Variants in GPC5 observed in about 807,000 individuals in gnomAD.
GPC5 encodes glypican 5.
In GPC5, 47 loss-of-function variants were observed where a neutral mutation model predicts 53.9. The observed-to-expected ratio is 0.87, with a 90% confidence interval of 0.69 to 1.11. The LOEUF (loss-of-function observed/expected upper bound fraction) is 1.11, where lower values mean the gene tolerates loss of function less well. Ranked by LOEUF, GPC5 falls within the 50% of genes most tolerant of loss-of-function variation. The probability of loss-of-function intolerance (pLI) is 0.00; values close to 1 mark genes in which losing one functional copy is unlikely to be tolerated. For synonymous variants in GPC5, 286 were observed against 263.3 expected (o/e 1.09, Z -0.84); for missense variants, 748 against 713.1 (o/e 1.05, Z -0.56).
Position 91,900,930 on chromosome 13 carries a change from G to A in GPC5, c.1281-7007G>A, listed in dbSNP as rs139979365. Among the ~76,000 whole-genome samples the A allele has an allele frequency of 9.2e-4, 140 of 152,166 alleles. 1 individual carries two copies. The highest frequency in any genetic ancestry group is 3.4e-3 in the Middle Eastern group (1 of 294). ...CTGCCACCTGACTAAACTGGCATGC[G>A]TAGATTCACGCCTTGCCAAATCAGG... On this transcript the variant is annotated intron_variant, in intron 5 of 7. Coordinates refer to ENST00000377067, the MANE Select transcript of GPC5 (RefSeq NM_004466.6).
At chr13:91,909,422 A>G (rs910016770) in intron 6 of GPC5, among the ~76,000 whole-genome samples, 86 of 152,296 alleles carry the variant, frequency 5.6e-4, no homozygotes, top group African/African-American at 1.9e-3. Context: ...GTGAAATCTT[A>G]GTGGTTTCTT....
At chr13:91,722,065 G>T (rs1201214211) in intron 3 of GPC5, among the ~76,000 whole-genome samples, 1 of 152,100 alleles carries the variant, frequency 6.6e-6, no homozygotes, top group Non-Finnish European at 1.5e-5. Context: ...ATTGTCATCT[G>T]CAGCTAAACA....
At chr13:92,048,058 C>T (rs1268176670) in intron 6 of GPC5, among the ~76,000 whole-genome samples, 1 of 151,706 alleles carries the variant, frequency 6.6e-6, no homozygotes. Flanking sequence ...ATTCTAGAAA[C>T]ACAGTTGTAT....
intron 2 of GPC5, among the ~76,000 whole-genome samples, chr13:91,642,713 C>CTT (rs71113755): frequency 0.22 from 31,007 of 143,206 alleles, 3,681 homozygotes; most frequent in African/African-American, 0.32. Context: ...TAAGGAAGAG[C>CTT]TTTTTTTTTT....
intron 6 of GPC5, among the ~76,000 whole-genome samples, chr13:92,122,334 A>G (rs1292909964): frequency 6.6e-6 from 1 of 150,704 alleles, no homozygotes; most frequent in African/African-American, 2.5e-5. Context: ...GCAGCCATAG[A>G]CTTCTTGGCC....
intron 7 of GPC5, among the ~76,000 whole-genome samples, chr13:92,318,861 G>T (rs912561952): frequency 1.3e-5 from 2 of 152,078 alleles, no homozygotes; most frequent in Non-Finnish European, 2.9e-5. Context: ...GTGGATTTTT[G>T]GGGGGGCTTT....
chr13:91,438,781 G>T lies in GPC5; in HGVS notation c.164-9980G>T, dbSNP rs114375303. On this transcript the variant is annotated intron_variant, in intron 1 of 7. Transcript: ENST00000377067. Reference sequence around the variant, plus strand: ...AGGTGGAATCTACAGAGGCAGGCAGGGCTGCTTGAGCTGCAGTGGGCTCCA... The same window carrying T: ...AGGTGGAATCTACAGAGGCAGGCAGTGCTGCTTGAGCTGCAGTGGGCTCCA... Among the ~76,000 whole-genome samples, 1,130 of 152,318 alleles carry T rather than the reference G, an allele frequency of 7.4e-3. 20 individuals carry two copies. The South Asian group carries it at 0.079, about 11-fold the overall frequency.
At chr13:91,497,327 T>C (rs760186694) in intron 2 of GPC5, among the ~76,000 whole-genome samples, 26 of 152,180 alleles carry the variant, frequency 1.7e-4, no homozygotes, top group Admixed American at 3.9e-4. Context: ...TTTAAACCAG[T>C]GAATTTTCTA....
At position 91,631,924 on chromosome 13, in the gene GPC5, G is replaced by C. The variant is rs2034167517; in HGVS notation, c.326-61263G>C. 2.6e-5 allele frequency among the ~76,000 whole-genome samples: 4 copies of C among 152,246 alleles called. No individual in the cohort carries two copies. In the South Asian group the frequency reaches 8.3e-4, roughly 32 times the overall value. On this transcript the variant is annotated intron_variant, in intron 2 of 7. Transcript: ENST00000377067. ...AAGGGAGTTGAGATGGTGAAGAAAG[G>C]CAAAGGAAGTCCAACCAAGGTCTTA...
chr13:91,956,632 C>T (rs2040076299), intron 6 of GPC5, among the ~76,000 whole-genome samples: 2 of 152,154 alleles, frequency 1.3e-5, no homozygotes, highest in African/African-American at 4.8e-5. Flanking sequence ...TACCTGGCAT[C>T]CCTATCTCCA....
Position 91,970,029 on chromosome 13 carries a change from A to G in GPC5, c.1401+61972A>G, listed in dbSNP as rs915877371. ...GAGGAATCAACCTGAGGGTTCATCAAGGAATAAATGGTAAAGAAAATGTGC... is the reference window on the plus strand; with the variant it reads ...GAGGAATCAACCTGAGGGTTCATCAGGGAATAAATGGTAAAGAAAATGTGC... On this transcript the variant is annotated intron_variant, in intron 6 of 7. Coordinates refer to ENST00000377067, the MANE Select transcript of GPC5 (RefSeq NM_004466.6). 3.3e-5 allele frequency among the ~76,000 whole-genome samples: 5 copies of G among 152,298 alleles called. No homozygotes were observed. The East Asian group carries it at 5.8e-4, about 18-fold the overall frequency.
At chr13:92,114,950 G>A (rs1462108972) in intron 6 of GPC5, among the ~76,000 whole-genome samples, 4 of 152,082 alleles carry the variant, frequency 2.6e-5, no homozygotes, top group African/African-American at 9.7e-5. Context: ...AGGTCACATG[G>A]CTGTTTCAAA....
intron 2 of GPC5, among the ~76,000 whole-genome samples, chr13:91,620,839 C>A (rs899134426): frequency 6.6e-6 from 1 of 152,088 alleles, no homozygotes; most frequent in Non-Finnish European, 1.5e-5. Context: ...CTCTGCAATA[C>A]CTTCATTTGC....
intron 2 of GPC5, among the ~76,000 whole-genome samples, chr13:91,609,818 T>C (rs574556998): frequency 1.1e-4 from 17 of 152,276 alleles, no homozygotes; most frequent in African/African-American, 4.1e-4. Flanking sequence ...AGGATGGATA[T>C]GGAAAAAACC....
intron 7 of GPC5, among the ~76,000 whole-genome samples, chr13:92,372,445 A>T (rs1339685915): frequency 2.0e-5 from 3 of 152,146 alleles, no homozygotes. Flanking sequence ...ATTTTAACCA[A>T]GCTTTTTATA....
At chr13:92,146,918 G>A (rs1204606478) in intron 7 of GPC5, among the ~76,000 whole-genome samples, 1 of 151,904 alleles carries the variant, frequency 6.6e-6, no homozygotes, top group African/African-American at 2.4e-5. Flanking sequence ...TGATTGATGG[G>A]CATTTGGGCT....
intron 2 of GPC5, among the ~76,000 whole-genome samples, chr13:91,594,585 C>T (rs575350385): frequency 9.2e-5 from 14 of 152,050 alleles, no homozygotes; most frequent in African/African-American, 3.4e-4. Context: ...CCAAGTAGTC[C>T]AGATACAGAA....
intron 7 of GPC5, among the ~76,000 whole-genome samples, chr13:92,729,814 C>T (rs1306484035): frequency 7.3e-6 from 1 of 136,668 alleles, no homozygotes; most frequent in African/African-American, 2.6e-5. Context: ...CAATTTATTC[C>T]AGTGTGTGGC....
intron 2 of GPC5, among the ~76,000 whole-genome samples, chr13:91,566,314 C>T (rs1392467188): frequency 6.6e-6 from 1 of 151,986 alleles, no homozygotes; most frequent in Non-Finnish European, 1.5e-5. Flanking sequence ...GTCTGTAATC[C>T]CAGCACTTTG....
Sources: allele counts gnomAD v4.1 joint callset (sites outside exome capture counted in the v4.1 genomes callset), GRCh38; gene constraint gnomAD v4.1.1; transcripts MANE v1.5; gene names NCBI Gene and HGNC (gene_info 2026-07-23, HGNC 2026-07-21).